Variants in OPCML observed in about 807,000 individuals in gnomAD.
The protein encoded by OPCML is opioid binding protein/cell adhesion molecule like.
Under a neutral mutation model 37.8 loss-of-function variants are expected in OPCML, and 13 were observed. The observed-to-expected ratio is 0.34, with a 90% confidence interval of 0.22 to 0.55. The LOEUF is 0.55. Among genes scored for constraint, OPCML ranks in the 20% least tolerant of loss-of-function variants. OPCML has a pLI of 0.91. For missense variants in OPCML, 341 were observed against 435.6 expected (o/e 0.78, Z 1.93); for synonymous variants, 176 against 168.8 (o/e 1.04, Z -0.33).
intron 1 of OPCML, among the ~76,000 whole-genome samples, chr11:133,228,353 T>C: frequency 6.6e-6 from 1 of 152,186 alleles, no homozygotes; most frequent in East Asian, 1.9e-4. Flanking sequence ...TCATAAAGGT[T>C]AAATGTGGTG....
chr11:132,442,721 AAGTCTTATG>A (rs1245983802), intron 4 of OPCML, among the ~76,000 whole-genome samples: 1 of 152,160 alleles, frequency 6.6e-6, no homozygotes, highest in Non-Finnish European at 1.5e-5. Flanking sequence ...GGTAGTGAAG[AAGTCTTATG>A]AGATCTGATG....
chr11:132,849,120 A>C (rs1399178236), intron 2 of OPCML, among the ~76,000 whole-genome samples: 1 of 152,186 alleles, frequency 6.6e-6, no homozygotes, highest in Non-Finnish European at 1.5e-5. Flanking sequence ...CTTCATGTTA[A>C]ATAGTTTACA....
intron 2 of OPCML, among the ~76,000 whole-genome samples, chr11:132,672,406 C>A (rs1942515953): frequency 6.6e-6 from 1 of 152,056 alleles, no homozygotes; most frequent in Admixed American, 6.6e-5. Flanking sequence ...CATTTGGGGT[C>A]CTAAAGTACT....
At chr11:132,718,064 G>A (rs995547208) in intron 2 of OPCML, among the ~76,000 whole-genome samples, 2 of 152,164 alleles carry the variant, frequency 1.3e-5, no homozygotes, top group African/African-American at 4.8e-5. Flanking sequence ...CAGCCCAGCT[G>A]GGGAACCAAA....
chr11:133,452,532 G>T (rs1031491613), intron 1 of OPCML, among the ~76,000 whole-genome samples: 3 of 151,390 alleles, frequency 2.0e-5, no homozygotes, highest in African/African-American at 7.4e-5. Flanking sequence ...ACAAAAACAG[G>T]CCAGGTGCAG....
chr11:133,371,289 G>A (rs1234898963), intron 1 of OPCML, among the ~76,000 whole-genome samples: 2 of 152,146 alleles, frequency 1.3e-5, no homozygotes, highest in African/African-American at 4.8e-5. Flanking sequence ...TACCTGAAAT[G>A]CAGCTGACCT....
intron 3 of OPCML, among the ~76,000 whole-genome samples, chr11:132,601,478 A>T (rs1416516636): frequency 6.6e-6 from 1 of 152,200 alleles, no homozygotes; most frequent in Non-Finnish European, 1.5e-5. Context: ...GAAAGCACGA[A>T]TATTATATCC....
chr11:132,704,903 A>G (rs1385386968), intron 2 of OPCML, among the ~76,000 whole-genome samples: 1 of 152,242 alleles, frequency 6.6e-6, no homozygotes, highest in Non-Finnish European at 1.5e-5. Flanking sequence ...TGGTTACAAA[A>G]CAGAAGGTTA....
chr11:132,602,852 A>G (rs2137789732), intron 3 of OPCML, among the ~76,000 whole-genome samples: 1 of 152,350 alleles, frequency 6.6e-6, no homozygotes, highest in East Asian at 1.9e-4. Context: ...TTGCCTCTGC[A>G]TCTCACTGTT....
intron 1 of OPCML, among the ~76,000 whole-genome samples, chr11:133,507,896 G>A (rs907459035): frequency 6.7e-6 from 1 of 150,310 alleles, no homozygotes; most frequent in Non-Finnish European, 1.5e-5. Context: ...GCAGTGAGCT[G>A]AGATCACACC....
chr11:133,020,962 C>T (rs1486453331), intron 1 of OPCML, among the ~76,000 whole-genome samples: 10 of 152,094 alleles, frequency 6.6e-5, no homozygotes, highest in Non-Finnish European at 1.5e-5. Context: ...AGACTTTTAA[C>T]TGATCAATGC....
rs185907616 is a variant in OPCML at position 132,526,912 on chromosome 11, C to A, written c.505+2149G>T. On this transcript the variant is annotated intron_variant, in intron 4 of 7. Coordinates refer to ENST00000524381, the MANE Select transcript of OPCML (RefSeq NM_001012393.5). Reference sequence around the variant, plus strand: ...TCCCCTAATCCCTACCCTAGGTAACCACTGACTTGACTTCTGCCATTCTAG... The same window carrying A: ...TCCCCTAATCCCTACCCTAGGTAACAACTGACTTGACTTCTGCCATTCTAG... Among the ~76,000 whole-genome samples the A allele has an allele frequency of 4.6e-5, 7 of 152,218 alleles. No individual in the cohort carries two copies. In the East Asian group the frequency reaches 5.8e-4, roughly 13 times the overall value.
At chr11:132,889,948 T>C (rs989956666) in intron 2 of OPCML, among the ~76,000 whole-genome samples, 1 of 152,236 alleles carries the variant, frequency 6.6e-6, no homozygotes, top group African/African-American at 2.4e-5. Context: ...ACCATTTTAA[T>C]AGGCAGAAAT....
intron 2 of OPCML, among the ~76,000 whole-genome samples, chr11:132,832,233 T>G (rs928100697): frequency 2.6e-5 from 3 of 117,216 alleles, no homozygotes; most frequent in African/African-American, 1.1e-4. Context: ...TTTTTTTTTT[T>G]GCTTTTATTT....
rs2095934041 is a variant in OPCML at position 132,415,090 on chromosome 11, A to G, written c.*5103T>C. 6.6e-6 allele frequency: 1 copy of G among 152,634 alleles called. No individual in the cohort carries two copies. The highest frequency in any genetic ancestry group is 2.4e-5 in the African/African-American group (1 of 41,452). The allele number at this position is 152,634 out of a possible 1,614,324, so 9.5% of individuals were successfully genotyped here. On this transcript the variant is annotated 3_prime_UTR_variant, in exon 8 of 8. Coordinates refer to ENST00000524381, the MANE Select transcript of OPCML (RefSeq NM_001012393.5). The stretch of plus-strand genomic sequence containing the variant: ...AATGTAACATGCACAAAATTCAGGT[A>G]GTATATTCACCCTTGATACAATTAT...
At chr11:133,401,108 A>G (rs533580471) in intron 1 of OPCML, among the ~76,000 whole-genome samples, 1 of 152,344 alleles carries the variant, frequency 6.6e-6, no homozygotes, top group African/African-American at 2.4e-5. Flanking sequence ...AAATACCAAG[A>G]GGACCAAAAG....
chr11:133,390,234 C>T (rs1032972758), intron 1 of OPCML, among the ~76,000 whole-genome samples: 4 of 152,030 alleles, frequency 2.6e-5, no homozygotes, highest in African/African-American at 7.2e-5. Context: ...CCGAGGCGGA[C>T]GGATCACGAG....
intron 1 of OPCML, among the ~76,000 whole-genome samples, chr11:133,130,142 A>T (rs1338718030): frequency 6.6e-6 from 1 of 152,132 alleles, no homozygotes; most frequent in Non-Finnish European, 1.5e-5. Flanking sequence ...AGAAATAAAA[A>T]GCTACAATGT....
At chr11:133,469,224 G>A (rs138713821) in intron 1 of OPCML, among the ~76,000 whole-genome samples, 1 of 152,320 alleles carries the variant, frequency 6.6e-6, no homozygotes, top group African/African-American at 2.4e-5. Flanking sequence ...GGCCAATGAT[G>A]GACCACATAT....
Sources: allele counts gnomAD v4.1 joint callset (sites outside exome capture counted in the v4.1 genomes callset), GRCh38; gene constraint gnomAD v4.1.1; transcripts MANE v1.5; gene names NCBI Gene and HGNC (gene_info 2026-07-23, HGNC 2026-07-21).